Variants in TFEC observed in about 807,000 individuals in gnomAD.
TFEC encodes transcription factor EC.
Under a neutral mutation model 41.6 loss-of-function variants are expected in TFEC, and 31 were observed. That is an observed-to-expected ratio of 0.74 (90% CI 0.56 to 1.01). The LOEUF (loss-of-function observed/expected upper bound fraction) is 1.01, where lower values mean the gene tolerates loss of function less well. Ranked by LOEUF, TFEC falls within the 50% of genes least tolerant of loss-of-function variation. TFEC has a pLI of 0.00. For synonymous variants in TFEC, 143 were observed against 140.6 expected (o/e 1.02, Z -0.12); for missense variants, 402 against 404.1 (o/e 0.99, Z 0.04).
At chr7:116,053,288 A>G (rs1326160319) in intron 3 of TFEC, among the ~76,000 whole-genome samples, 1 of 152,174 alleles carries the variant, frequency 6.6e-6, no homozygotes, top group Non-Finnish European at 1.5e-5. Context: ...GTTACTAATC[A>G]AATGTGAAAC....
At chr7:116,159,250 T>C (rs1423331521) in intron 1 of TFEC, among the ~76,000 whole-genome samples, 2 of 152,020 alleles carry the variant, frequency 1.3e-5, no homozygotes, top group African/African-American at 2.4e-5. Context: ...TTTAAGAATA[T>C]AGAATTTTCA....
rs141354146 is a variant in TFEC at position 115,996,324 on chromosome 7, T to A, written c.-72-11811A>T. Among the ~76,000 whole-genome samples the A allele has an allele frequency of 3.5e-3, 530 of 152,112 alleles. 1 individual carries two copies. Among genetic ancestry groups the A allele is most frequent in the African/African-American group, 0.012 (514 of 41,516 alleles). On this transcript the variant is annotated intron_variant, in intron 1 of 7. Transcript: ENST00000265440. Reference sequence around the variant, plus strand: ...TAGCTCATGGCCATTTCTAGATACATCCTGGGCCAGAAGGGAACCTACTTC... The same window carrying A: ...TAGCTCATGGCCATTTCTAGATACAACCTGGGCCAGAAGGGAACCTACTTC...
At chr7:116,111,330 G>A (rs535472591) in intron 2 of TFEC, among the ~76,000 whole-genome samples, 16 of 152,090 alleles carry the variant, frequency 1.1e-4, no homozygotes, top group African/African-American at 3.6e-4. Flanking sequence ...CTCTCAGTGT[G>A]CAAGTATATT....
At chr7:116,130,484 G>A (rs900289784) in intron 1 of TFEC, among the ~76,000 whole-genome samples, 1 of 152,188 alleles carries the variant, frequency 6.6e-6, no homozygotes. Context: ...TGAAGAAACC[G>A]ATAAGAGACA....
At chr7:116,079,527 A>G (rs1437020198) in intron 3 of TFEC, among the ~76,000 whole-genome samples, 3 of 152,104 alleles carry the variant, frequency 2.0e-5, no homozygotes, top group Non-Finnish European at 2.9e-5. Context: ...TTTCTCCTAT[A>G]TACCAACAGT....
intron 3 of TFEC, among the ~76,000 whole-genome samples, chr7:116,045,700 C>A (rs1796147306): frequency 6.6e-6 from 1 of 152,232 alleles, no homozygotes; most frequent in South Asian, 2.1e-4. Context: ...CCTCCTGGGG[C>A]ACTGCCTAGT....
chr7:115,993,099 C>T (rs960595332), intron 1 of TFEC, among the ~76,000 whole-genome samples: 2 of 152,158 alleles, frequency 1.3e-5, no homozygotes, highest in Non-Finnish European at 2.9e-5. Flanking sequence ...GAACCAAAGA[C>T]AAAAACCACA....
At chr7:115,961,059 T>G (rs774076042) in intron 3 of TFEC, among the ~76,000 whole-genome samples, 3 of 151,632 alleles carry the variant, frequency 2.0e-5, no homozygotes, top group Non-Finnish European at 4.4e-5. Context: ...AGTGGAAGAC[T>G]TTAACACACA....
At chr7:116,053,318 A>G (rs374339827) in intron 3 of TFEC, among the ~76,000 whole-genome samples, 14 of 152,196 alleles carry the variant, frequency 9.2e-5, no homozygotes, top group African/African-American at 3.4e-4. Flanking sequence ...TTATCTGTGC[A>G]TATACAGCAT....
intron 1 of TFEC, among the ~76,000 whole-genome samples, chr7:116,156,897 A>G (rs1024947447): frequency 3.9e-5 from 6 of 152,166 alleles, no homozygotes; most frequent in African/African-American, 1.2e-4. Flanking sequence ...TTCCACATAT[A>G]CATTTTATAC....
intron 3 of TFEC, among the ~76,000 whole-genome samples, chr7:116,098,215 A>G (rs2115919947): frequency 6.6e-6 from 1 of 152,188 alleles, no homozygotes; most frequent in East Asian, 1.9e-4. Flanking sequence ...GCTGGAGTGC[A>G]GTGTCACGAT....
At chr7:116,028,680 G>T (rs1292040785) in intron 1 of TFEC, among the ~76,000 whole-genome samples, 1 of 152,172 alleles carries the variant, frequency 6.6e-6, no homozygotes, top group African/African-American at 2.4e-5. Context: ...TCATCTCCAT[G>T]AAGAATCTGG....
intron 3 of TFEC, among the ~76,000 whole-genome samples, chr7:116,048,682 G>T (rs577918609): frequency 6.6e-6 from 1 of 152,150 alleles, no homozygotes; most frequent in Non-Finnish European, 1.5e-5. Flanking sequence ...ATAATTGTCA[G>T]ATTCATCAAA....
At chr7:116,095,811 A>G (rs1406405106) in intron 3 of TFEC, among the ~76,000 whole-genome samples, 1 of 151,608 alleles carries the variant, frequency 6.6e-6, no homozygotes, top group Non-Finnish European at 1.5e-5. Context: ...TTTGCCCTCT[A>G]TCATATCACA....
intron 6 of TFEC, among the ~76,000 whole-genome samples, chr7:115,945,347 T>C (rs1184350781): frequency 6.6e-6 from 1 of 151,572 alleles, no homozygotes; most frequent in Non-Finnish European, 1.5e-5. Flanking sequence ...AATAATTTTG[T>C]CACGTAGATG....
intron 3 of TFEC, among the ~76,000 whole-genome samples, chr7:115,960,103 A>G (rs1045938890): frequency 6.6e-6 from 1 of 151,472 alleles, no homozygotes; most frequent in African/African-American, 2.4e-5. Flanking sequence ...ATATTATACT[A>G]AAATGAAATA....
intron 3 of TFEC, among the ~76,000 whole-genome samples, chr7:116,044,120 T>C (rs900488048): frequency 3.9e-5 from 6 of 152,254 alleles, no homozygotes; most frequent in Admixed American, 3.3e-4. Flanking sequence ...TGAAAGATGT[T>C]AAGTTTTACT....
At chr7:116,069,604 G>A (rs557373700) in intron 3 of TFEC, among the ~76,000 whole-genome samples, 2 of 151,702 alleles carry the variant, frequency 1.3e-5, no homozygotes, top group Non-Finnish European at 3.0e-5. Context: ...TTCATGTAGA[G>A]TTTTAATGAG....
At chr7:116,018,766 C>T (rs372212466) in intron 1 of TFEC, among the ~76,000 whole-genome samples, 1 of 152,082 alleles carries the variant, frequency 6.6e-6, no homozygotes, top group Non-Finnish European at 1.5e-5. Context: ...ACCAAATATA[C>T]CAAATGGAAT....
Sources: allele counts gnomAD v4.1 joint callset (sites outside exome capture counted in the v4.1 genomes callset), GRCh38; gene constraint gnomAD v4.1.1; transcripts MANE v1.5; gene names NCBI Gene and HGNC (gene_info 2026-07-23, HGNC 2026-07-21).